The following SPIN1 variants were observed in gnomAD, a reference collection of about 807,000 sequenced individuals.
SPIN1 encodes spindlin 1, also known as spindlin-1.
SPIN1 carries 3 observed loss-of-function variants against 26.0 expected under a neutral mutation model. The observed-to-expected ratio is 0.12, with a 90% CI of 0.05 to 0.30. The LOEUF is 0.30. Ranked by LOEUF, SPIN1 falls within the 10% of genes least tolerant of loss-of-function variation. SPIN1 has a pLI of 1.00. For synonymous variants in SPIN1, 101 were observed against 116.5 expected (o/e 0.87, Z 0.86); for missense variants, 126 against 333.4 (o/e 0.38, Z 4.84).
intron 1 of SPIN1, among the ~76,000 whole-genome samples, chr9:88,423,954 G>A (rs1023272035): frequency 1.3e-5 from 2 of 151,976 alleles, no homozygotes; most frequent in African/African-American, 4.8e-5. Context: ...GTTTTTTGTA[G>A]AGATGGTTTT....
chr9:88,427,247 CAG>C (rs751143128), intron 2 of SPIN1, among the ~76,000 whole-genome samples: 5 of 152,178 alleles, frequency 3.3e-5, no homozygotes, highest in South Asian at 2.1e-4. Context: ...ACAAATGAAT[CAG>C]AATTATTCTA....
rs1412300026 is a variant in SPIN1 at position 88,468,605 on chromosome 9, A to G, written c.589A>G (p.Asn197Asp). 4.0e-6 allele frequency: 6 copies of G among 1,516,096 alleles called. No homozygotes were observed. Among genetic ancestry groups the G allele is most frequent in the Non-Finnish European group, 5.3e-6 (6 of 1,131,494 alleles). 93.9% of individuals were successfully genotyped at this position (1,516,096 alleles called of 1,614,324 possible). The change falls in exon 5 of 6, where the codon AAT becomes GAT. Residue 197 changes from asparagine to aspartate, a missense_variant and splice_region_variant. This residue lies in a region of SPIN1 where 29 missense variants were observed against 72.0 expected (regional missense o/e 0.40). Transcript: ENST00000375859. Reference protein sequence around the residue: ...EGDLRIMPDSNDSPPAEREPG... With the variant: ...EGDLRIMPDSDDSPPAEREPG... ...CGACCTTCGCATTATGCCTGATTCC[A>G]GTAAGTATATATTGGCAACTTTTAT...
At chr9:88,429,357 A>G (rs1827820303) in intron 2 of SPIN1, among the ~76,000 whole-genome samples, 1 of 152,048 alleles carries the variant, frequency 6.6e-6, no homozygotes, top group Non-Finnish European at 1.5e-5. Context: ...TCAGTCCCAT[A>G]AGACCGCTGC....
chr9:88,465,505 G>A (rs888949591), intron 4 of SPIN1, among the ~76,000 whole-genome samples: 2 of 152,098 alleles, frequency 1.3e-5, no homozygotes, highest in Non-Finnish European at 2.9e-5. Flanking sequence ...GGTGTGATAC[G>A]ATACCTCATT....
intron 3 of SPIN1, among the ~76,000 whole-genome samples, chr9:88,449,978 C>G (rs1828325819): frequency 6.6e-6 from 1 of 152,132 alleles, no homozygotes; most frequent in South Asian, 2.1e-4. Flanking sequence ...TTGGGCGAAA[C>G]AAAAGTCTCC....
intron 3 of SPIN1, chr9:88,457,995 T>C (rs973272879): frequency 5.1e-6 from 5 of 984,858 alleles, no homozygotes; most frequent in Non-Finnish European, 6.0e-6. Context: ...TTACTAAGGA[T>C]TTTTTCTTGT....
intron 1 of SPIN1, among the ~76,000 whole-genome samples, chr9:88,396,856 AC>A (rs780085971): frequency 7.2e-5 from 11 of 152,226 alleles, no homozygotes; most frequent in Non-Finnish European, 1.3e-4. Context: ...ACAGCATATG[AC>A]TGAACTGAAT....
chr9:88,403,778 G>A (rs1458971117), intron 1 of SPIN1, among the ~76,000 whole-genome samples: 1 of 152,146 alleles, frequency 6.6e-6, no homozygotes, highest in Admixed American at 6.6e-5. Context: ...TATTATTAGA[G>A]GTAAAGTTTA....
intron 1 of SPIN1, chr9:88,389,246 C>G (rs1004313740): frequency 1.3e-5 from 2 of 152,246 alleles, no homozygotes; most frequent in Non-Finnish European, 2.9e-5. Context: ...GTTGCGTGCT[C>G]TGGAGAGAGA....
At chr9:88,435,169 C>G (rs770621684) in intron 2 of SPIN1, among the ~76,000 whole-genome samples, 94 of 151,960 alleles carry the variant, frequency 6.2e-4, no homozygotes, top group Admixed American at 1.8e-3. Flanking sequence ...TGAGATCTCA[C>G]CAGATTGCCC....
At chr9:88,466,621 ATAAAAT>A (rs1379923930) in intron 4 of SPIN1, among the ~76,000 whole-genome samples, 2 of 152,218 alleles carry the variant, frequency 1.3e-5, no homozygotes, top group Non-Finnish European at 2.9e-5. Flanking sequence ...GGGTTTGCTG[ATAAAAT>A]TAAATAGCAA....
intron 2 of SPIN1, among the ~76,000 whole-genome samples, chr9:88,432,495 T>G (rs1264174719): frequency 1.3e-5 from 2 of 150,790 alleles, no homozygotes; most frequent in African/African-American, 4.9e-5. Context: ...CTTTTTTTTT[T>G]TTTCTTTGAG....
At chr9:88,392,601 T>TTCCC (rs1276692144) in intron 1 of SPIN1, among the ~76,000 whole-genome samples, 2 of 151,986 alleles carry the variant, frequency 1.3e-5, no homozygotes, top group African/African-American at 4.8e-5. Context: ...TTCTCCTTCC[T>TTCCC]TCCCTCCTTC....
intron 2 of SPIN1, among the ~76,000 whole-genome samples, chr9:88,439,101 A>G (rs1828067527): frequency 6.6e-6 from 1 of 152,224 alleles, no homozygotes; most frequent in African/African-American, 2.4e-5. Flanking sequence ...ACAGAATTGT[A>G]GGTGGAGAGT....
At chr9:88,451,962 C>A (rs776345085) in intron 3 of SPIN1, among the ~76,000 whole-genome samples, 1 of 152,166 alleles carries the variant, frequency 6.6e-6, no homozygotes, top group Non-Finnish European at 1.5e-5. Flanking sequence ...ATTCCCTCCC[C>A]CCTCCTGCAA....
chr9:88,411,638 C>T (rs1301187509), intron 1 of SPIN1, among the ~76,000 whole-genome samples: 1 of 152,036 alleles, frequency 6.6e-6, no homozygotes, highest in Non-Finnish European at 1.5e-5. Context: ...GTCAGCCTCC[C>T]TAGTAGCCGG....
At chr9:88,424,869 G>C (rs1437029322) in intron 1 of SPIN1, among the ~76,000 whole-genome samples, 2 of 152,156 alleles carry the variant, frequency 1.3e-5, no homozygotes, top group African/African-American at 4.8e-5. Context: ...ATGTTGATGG[G>C]ATCATGGAGG....
At chr9:88,393,975 G>A (rs1382000047) in intron 1 of SPIN1, among the ~76,000 whole-genome samples, 1 of 151,916 alleles carries the variant, frequency 6.6e-6, no homozygotes, top group East Asian at 1.9e-4. Flanking sequence ...AGCCTCCCAA[G>A]CAGCTGGGAT....
intron 2 of SPIN1, among the ~76,000 whole-genome samples, chr9:88,433,955 C>T (rs1827941549): frequency 6.6e-6 from 1 of 151,786 alleles, no homozygotes; most frequent in African/African-American, 2.4e-5. Flanking sequence ...ATTGAACTGA[C>T]AGCGTTTGAG....
Sources: allele counts gnomAD v4.1 joint callset (sites outside exome capture counted in the v4.1 genomes callset), GRCh38; gene constraint gnomAD v4.1.1; regional missense constraint gnomAD v4.1.1; transcripts MANE v1.5; gene names NCBI Gene and HGNC (gene_info 2026-07-23, HGNC 2026-07-21).